CLP1: variants seen among roughly 807,000 people sequenced by gnomAD.
CLP1 encodes cleavage factor polyribonucleotide kinase subunit 1.
A neutral mutation model predicts 29.9 loss-of-function variants in CLP1; 18 were observed. That is an observed-to-expected ratio of 0.60 (90% CI 0.42 to 0.89). The LOEUF is 0.89. Among genes scored for constraint, CLP1 ranks in the 40% least tolerant of loss-of-function variants. The probability of loss-of-function intolerance (pLI) is 0.00; values close to 1 mark genes in which losing one functional copy is unlikely to be tolerated. For missense variants in CLP1, 357 were observed against 544.8 expected, an observed-to-expected ratio of 0.66 and a Z score of 3.43; for synonymous variants, 162 against 206.2, an observed-to-expected ratio of 0.79 and a Z score of 1.84.
chr11:57,660,145 G>A (rs1159725943), intron 2 of CLP1, 63 bp downstream of exon 2: 1 of 1,483,146 alleles, frequency 6.7e-7, no homozygotes, highest in East Asian at 2.3e-5. Context: ...AACTGGAGAA[G>A]TTTACTAGTT....
At chr11:57,658,539 C>T (rs956229745) in intron 1 of CLP1, among the ~76,000 whole-genome samples, 10 of 151,922 alleles carry the variant, frequency 6.6e-5, no homozygotes, top group Admixed American at 5.9e-4. Flanking sequence ...ATAGTGAGAC[C>T]GATGGTGATA....
intron 2 of CLP1, 74 bp from the exon 3 acceptor site, chr11:57,660,691 A>G (rs1945867459): frequency 6.4e-6 from 8 of 1,246,144 alleles, no homozygotes; most frequent in Admixed American, 2.3e-5. Flanking sequence ...AATAGCACTT[A>G]TTCTAAAGAG....
At chr11:57,660,336 G>A (rs759775300) in intron 2 of CLP1, among the ~76,000 whole-genome samples, 2 of 152,138 alleles carry the variant, frequency 1.3e-5, no homozygotes, top group African/African-American at 2.4e-5. Flanking sequence ...CCATGTTATG[G>A]TATCAAAACT....
Position 57,659,827 on chromosome 11 carries a change from G to A in CLP1, c.351G>A (p.Val117=), listed in dbSNP as rs373867004. 6.7e-4 allele frequency: 1,082 copies of A among 1,614,196 alleles called. 12 individuals are homozygous for A. The South Asian group carries it at 0.011, about 17-fold the overall frequency. The change falls in exon 2 of 3, where the codon GTG becomes GTA. Residue 117 remains valine, a synonymous_variant. Coordinates refer to ENST00000533682, the MANE Select transcript of CLP1 (RefSeq NM_006831.3). ...AEKEEERGPR[V]MVVGPTDVGK... Reference sequence around the variant, plus strand: ...AGGAAGAAGAGCGAGGTCCCCGAGTGATGGTAGTGGGCCCCACTGATGTGG... The same window carrying A: ...AGGAAGAAGAGCGAGGTCCCCGAGTAATGGTAGTGGGCCCCACTGATGTGG...
At position 57,661,021 on chromosome 11, in the gene CLP1, G is replaced by A. The variant is rs771813411; in HGVS notation, c.863G>A (p.Arg288His). The change falls in exon 3 of 3, where the codon CGC (arginine) becomes CAC (histidine). Residue 288 changes from arginine to histidine, a missense_variant. Physicochemically the swap from Arg to His is conservative, Grantham distance 29. Coordinates refer to ENST00000533682, the MANE Select transcript of CLP1 (RefSeq NM_006831.3). Reference sequence around the variant, plus strand: ...CCTAAATCTGGGGGTGTGGTGGAGCGCTCCAAGGACTTCCGGCGGGAATGT... The same window carrying A: ...CCTAAATCTGGGGGTGTGGTGGAGCACTCCAAGGACTTCCGGCGGGAATGT... ...LLPKSGGVVE[R>H]SKDFRRECRD... 6 of 1,614,096 alleles carry A rather than the reference G, an allele frequency of 3.7e-6. No individual in the cohort carries two copies. In the African/African-American group the frequency reaches 6.7e-5, roughly 18 times the overall value.
intron 2 of CLP1, 107 bp downstream of exon 2, chr11:57,660,189 C>T: frequency 8.3e-7 from 1 of 1,203,964 alleles, no homozygotes; most frequent in South Asian, 1.7e-5. Context: ...ATTTCTGCTG[C>T]ATTACTTTAG....
intron 2 of CLP1, 68 bp downstream of exon 2, chr11:57,660,150 C>A: frequency 6.9e-7 from 1 of 1,448,160 alleles, no homozygotes; most frequent in Non-Finnish European, 9.2e-7. Context: ...GAGAAGTTTA[C>A]TAGTTAACAC....
Position 57,660,858 on chromosome 11 carries a change from G to C in CLP1, c.700G>C (p.Val234Leu). ...CTGTGTCATTAACACCTGTGGCTGG[G>C]TCAAGGGCTCTGGTTACCAGGCTCT... ...SGCVINTCGW[V>L]KGSGYQALVH... The change falls in exon 3 of 3, where the codon GTC becomes CTC. Residue 234 changes from valine to leucine, a missense_variant. Physicochemically the swap from Val to Leu is conservative, Grantham distance 32. Transcript: ENST00000533682. 10 of 1,614,186 alleles carry C rather than the reference G, an allele frequency of 6.2e-6. No individual in the cohort carries two copies. Among genetic ancestry groups the C allele is most frequent in the Non-Finnish European group, 8.5e-6 (10 of 1,180,034 alleles).
rs775322826 is a variant in CLP1 at position 57,661,034 on chromosome 11, C to T, written c.876C>T (p.Phe292=). Residue 292 remains phenylalanine (F), a synonymous_variant, in exon 3 of 3, where the codon TTC becomes TTT. Transcript: ENST00000533682. ...SGGVVERSKD[F]RRECRDERIR... ...GTGTGGTGGAGCGCTCCAAGGACTT[C>T]CGGCGGGAATGTAGGGATGAGCGTA... The T allele has an allele frequency of 1.2e-6, 2 of 1,614,230 alleles. No homozygotes were observed. The highest frequency in any genetic ancestry group is 1.7e-6 in the Non-Finnish European group (2 of 1,180,052).
chr11:57,659,431 T>G, intron 1 of CLP1, 24 bp from the exon 2 acceptor site: 2 of 1,606,034 alleles, frequency 1.2e-6, no homozygotes, highest in Non-Finnish European at 1.7e-6. Flanking sequence ...TATAATTAGA[T>G]CTGATATTTA....
chr11:57,658,723 C>T (rs1395262804), intron 1 of CLP1, among the ~76,000 whole-genome samples: 4 of 152,096 alleles, frequency 2.6e-5, no homozygotes, highest in Admixed American at 6.6e-5. Context: ...CTGCAACCTC[C>T]ACCTCCTGGG....
chr11:57,661,057 G>T lies in CLP1; in HGVS notation c.899G>T (p.Arg300Leu). 1 of 1,614,210 alleles carries T rather than the reference G, an allele frequency of 6.2e-7. No homozygotes were observed. The highest frequency in any genetic ancestry group is 8.5e-7 in the Non-Finnish European group (1 of 1,180,038). Residue 300 changes from arginine to leucine, a missense_variant, in exon 3 of 3, where the codon CGT becomes CTT. Coordinates refer to ENST00000533682, the MANE Select transcript of CLP1 (RefSeq NM_006831.3). ...KDFRRECRDE[R>L]IREYFYGFRG... The stretch of plus-strand genomic sequence containing the variant: ...TTCCGGCGGGAATGTAGGGATGAGC[G>T]TATCCGTGAGTATTTTTATGGATTC...
Position 57,659,669 on chromosome 11 carries a change from G to A in CLP1, c.193G>A (p.Val65Ile), listed in dbSNP as rs745751234. ...CTTTGATGCTGGTGCCAAGGTGGCTGTTTTCACTTGGCATGGCTGTTCTGT... is the reference window on the plus strand; with the variant it reads ...CTTTGATGCTGGTGCCAAGGTGGCTATTTTCACTTGGCATGGCTGTTCTGT... ...FTFDAGAKVA[V>I]FTWHGCSVQL... Residue 65 changes from valine (V) to isoleucine (I), a missense_variant, in exon 2 of 3, where the codon GTT becomes ATT. By Grantham distance (29) the Val-to-Ile change is conservative. Coordinates refer to ENST00000533682, the MANE Select transcript of CLP1 (RefSeq NM_006831.3). 6.2e-7 allele frequency: 1 copy of A among 1,614,160 alleles called. No individual in the cohort carries two copies. The highest frequency in any genetic ancestry group is 1.1e-5 in the South Asian group (1 of 91,082).
At position 57,661,221 on chromosome 11, in the gene CLP1, G is replaced by A. The variant is rs1945874035; in HGVS notation, c.1063G>A (p.Val355Ile). 1 of 1,614,220 alleles carries A rather than the reference G, an allele frequency of 6.2e-7. No homozygotes were observed. The highest frequency in any genetic ancestry group is 8.5e-7 in the Non-Finnish European group (1 of 1,180,042). Residue 355 changes from valine (V) to isoleucine (I), a missense_variant, in exon 3 of 3, where the codon GTC becomes ATC. Transcript: ENST00000533682. ...QEDNQLKLVPVTPGRDMVHHL... is the reference protein window; with the variant it reads ...QEDNQLKLVPITPGRDMVHHL... The stretch of plus-strand genomic sequence containing the variant: ...GGATAATCAGCTCAAGCTAGTACCT[G>A]TCACTCCTGGGCGAGATATGGTGCA...
rs142223022 is a variant in CLP1, at chr11:57,661,757, G to A, written c.*321G>A. ...AAAATCAATGCTTTATATTCCATAT[G>A]TGGTTCTTACCCATTTATCTAGGAT... On this transcript the variant is annotated 3_prime_UTR_variant, in exon 3 of 3. Transcript: ENST00000533682. The A allele has an allele frequency of 2.0e-3, 575 of 282,184 alleles. 4 individuals carry two copies. Among genetic ancestry groups the A allele is most frequent in the African/African-American group, 0.011 (503 of 46,456 alleles). The allele number at this position is 282,184 out of a possible 1,614,324, so 17.5% of individuals were successfully genotyped here.
At chr11:57,660,740 C>G in intron 2 of CLP1, 25 bp from the exon 3 acceptor site, 3 of 1,540,618 alleles carry the variant, frequency 1.9e-6, no homozygotes, top group Non-Finnish European at 2.6e-6. Flanking sequence ...TGTTTTTGTT[C>G]TTACCTTGAT....
rs746040503 is a variant in CLP1, at chr11:57,661,020, C to T, written c.862C>T (p.Arg288Cys). Residue 288 changes from arginine (R) to cysteine (C), a missense_variant, in exon 3 of 3, where the codon CGC becomes TGC. Arg to Cys is a radical substitution (Grantham distance 180, BLOSUM62 -3). Transcript: ENST00000533682. Reference protein sequence around the residue: ...LLPKSGGVVERSKDFRRECRD... With the variant: ...LLPKSGGVVECSKDFRRECRD... ...CCCTAAATCTGGGGGTGTGGTGGAGCGCTCCAAGGACTTCCGGCGGGAATG... is the reference window on the plus strand; with the variant it reads ...CCCTAAATCTGGGGGTGTGGTGGAGTGCTCCAAGGACTTCCGGCGGGAATG... 15 of 1,614,108 alleles carry T rather than the reference C, an allele frequency of 9.3e-6. No individual in the cohort carries two copies. The highest frequency in any genetic ancestry group is 2.2e-5 in the East Asian group (1 of 44,898).
In CLP1 at chr11:57,661,103, T is replaced by C; in HGVS notation, c.945T>C (p.His315=). The C allele has an allele frequency of 6.2e-7, 1 of 1,614,228 alleles. No homozygotes were observed. The highest frequency in any genetic ancestry group is 8.5e-7 in the Non-Finnish European group (1 of 1,180,048). The change falls in exon 3 of 3, where the codon CAT becomes CAC. Residue 315 remains histidine (H), a synonymous_variant. Coordinates refer to ENST00000533682, the MANE Select transcript of CLP1 (RefSeq NM_006831.3). The part of the protein sequence containing the change: ...FYGFRGCFYP[H]AFNVKFSDVK... ...GATTCCGAGGCTGTTTCTATCCCCATGCCTTCAATGTCAAATTTTCAGATG... is the reference window on the plus strand; with the variant it reads ...GATTCCGAGGCTGTTTCTATCCCCACGCCTTCAATGTCAAATTTTCAGATG...
chr11:57,658,889 C>T (rs1258782894), intron 1 of CLP1, among the ~76,000 whole-genome samples: 1 of 152,172 alleles, frequency 6.6e-6, no homozygotes, highest in African/African-American at 2.4e-5. Flanking sequence ...ATCCACCCAC[C>T]TTGGCCTCCC....
Sources: gnomAD v4.1 joint callset for allele counts (sites outside exome capture counted in the v4.1 genomes callset) on GRCh38, gnomAD v4.1.1 for gene constraint, MANE v1.5 for transcripts, NCBI Gene and HGNC (gene_info 2026-07-23, HGNC 2026-07-21) for gene names.